Variants in SLC41A2 observed in about 807,000 individuals in gnomAD.
SLC41A2 encodes SLC41A1-like 1.
In SLC41A2, 32 loss-of-function variants were observed where a neutral mutation model predicts 58.3. The ratio of observed to expected loss-of-function variants is 0.55; its 90% CI spans 0.41 to 0.74. SLC41A2 has a LOEUF of 0.74. Among genes scored for constraint, SLC41A2 ranks in the 30% least tolerant of loss-of-function variants. SLC41A2 has a pLI of 0.00. For missense variants in SLC41A2, 514 were observed against 680.6 expected (o/e 0.76, Z 2.72); for synonymous variants, 190 against 235.0 (o/e 0.81, Z 1.75).
chr12:104,863,901 T>C (rs1459058039), intron 7 of SLC41A2, among the ~76,000 whole-genome samples: 1 of 152,158 alleles, frequency 6.6e-6, no homozygotes, highest in South Asian at 2.1e-4. Flanking sequence ...CAACCTCACA[T>C]GTGTAACTAA....
At chr12:104,893,556 CTA>C (rs2045123531) in intron 4 of SLC41A2, among the ~76,000 whole-genome samples, 1 of 152,182 alleles carries the variant, frequency 6.6e-6, no homozygotes, top group Admixed American at 6.5e-5. Flanking sequence ...ATCTGCACTT[CTA>C]TGTTTGTTGC....
intron 6 of SLC41A2, among the ~76,000 whole-genome samples, chr12:104,869,171 TTC>T (rs2043631306): frequency 6.6e-6 from 1 of 152,168 alleles, no homozygotes; most frequent in Admixed American, 6.5e-5. Flanking sequence ...GGCCCAGCGT[TTC>T]TGTTTGAGGT....
At chr12:104,900,962 G>C (rs112015347) in intron 3 of SLC41A2, among the ~76,000 whole-genome samples, 1 of 152,128 alleles carries the variant, frequency 6.6e-6, no homozygotes, top group African/African-American at 2.4e-5. Flanking sequence ...TTTCTGTTTT[G>C]TTCGTTACTG....
chr12:104,809,311 A>C (rs546696324), intron 10 of SLC41A2, among the ~76,000 whole-genome samples: 1 of 152,336 alleles, frequency 6.6e-6, no homozygotes, highest in South Asian at 2.1e-4. Flanking sequence ...CCTGGCAAGT[A>C]GGCCGTGGGT....
intron 6 of SLC41A2, among the ~76,000 whole-genome samples, chr12:104,867,057 G>C (rs1441331008): frequency 6.6e-6 from 1 of 152,040 alleles, no homozygotes; most frequent in Non-Finnish European, 1.5e-5. Context: ...ATATGTATCT[G>C]ACACCAAAGT....
chr12:104,853,450 C>A (rs2042874284), intron 8 of SLC41A2, among the ~76,000 whole-genome samples: 1 of 152,270 alleles, frequency 6.6e-6, no homozygotes, highest in South Asian at 2.1e-4. Flanking sequence ...AGAAATTACT[C>A]TTTGAGTTTC....
rs1014825505 is a variant in SLC41A2 at position 104,928,471 on chromosome 12, A to G, written c.57T>C (p.Ser19=). The G allele has an allele frequency of 1.6e-5, 24 of 1,543,880 alleles. No homozygotes were observed. In the African/African-American group the frequency reaches 2.9e-4, roughly 19 times the overall value. ...AAGTCCAATCTACAAAACCTCCTCC[A>G]CTACTTGGACCACCACTTGTTTTAT... ...ITDKTSGGPS[S]GGGFVDWTLR... The change falls in exon 2 of 11, where the codon AGT becomes AGC. Residue 19 remains serine (S), a synonymous_variant. Coordinates refer to ENST00000258538, the MANE Select transcript of SLC41A2 (RefSeq NM_001352171.3).
At chr12:104,903,604 C>T (rs1414450783) in intron 3 of SLC41A2, among the ~76,000 whole-genome samples, 1 of 152,232 alleles carries the variant, frequency 6.6e-6, no homozygotes, top group African/African-American at 2.4e-5. Context: ...GAAGAGCACA[C>T]TTTGAGAACT....
Position 104,889,098 on chromosome 12 carries a change from A to T in SLC41A2, c.815T>A (p.Leu272His). Residue 272 changes from leucine (L) to histidine (H), a missense_variant, in exon 5 of 11, where the codon CTT (leucine) becomes CAT (histidine). Transcript: ENST00000258538. ...LGWIPEGKYY[L>H]DHSILLCSSS... ...AGAGCACAGAAGTATGGAATGATCAAGGTAATATTTTCCTTCTGGAATCCA... is the reference window on the plus strand; with the variant it reads ...AGAGCACAGAAGTATGGAATGATCATGGTAATATTTTCCTTCTGGAATCCA... 6.2e-7 allele frequency: 1 copy of T among 1,612,090 alleles called. No individual in the cohort carries two copies. Among genetic ancestry groups the T allele is most frequent in the Non-Finnish European group, 8.5e-7 (1 of 1,179,492 alleles).
chr12:104,896,666 A>G (rs575587188), intron 3 of SLC41A2, among the ~76,000 whole-genome samples: 1 of 152,340 alleles, frequency 6.6e-6, no homozygotes, highest in Non-Finnish European at 1.5e-5. Context: ...ACAAATGGAA[A>G]CATACATACA....
intron 8 of SLC41A2, among the ~76,000 whole-genome samples, chr12:104,858,360 G>A (rs1303940206): frequency 6.6e-6 from 1 of 151,816 alleles, no homozygotes; most frequent in Non-Finnish European, 1.5e-5. Flanking sequence ...GTTTTCAATC[G>A]TGACTCACCA....
At chr12:104,844,188 A>G (rs1212041387) in intron 10 of SLC41A2, among the ~76,000 whole-genome samples, 2 of 152,248 alleles carry the variant, frequency 1.3e-5, no homozygotes, top group Non-Finnish European at 2.9e-5. Flanking sequence ...AAATGCAAAG[A>G]GATATGATTA....
chr12:104,835,365 T>G (rs2042173203), intron 10 of SLC41A2, among the ~76,000 whole-genome samples: 1 of 152,240 alleles, frequency 6.6e-6, no homozygotes, highest in African/African-American at 2.4e-5. Context: ...CTTTATCATC[T>G]GTTCTTTAAG....
chr12:104,809,467 G>T (rs1284836523), intron 10 of SLC41A2, among the ~76,000 whole-genome samples: 1 of 152,204 alleles, frequency 6.6e-6, no homozygotes, highest in Non-Finnish European at 1.5e-5. Context: ...TTGGACATCT[G>T]TCAGAGAGAG....
At chr12:104,877,793 G>A (rs2044125666) in intron 6 of SLC41A2, among the ~76,000 whole-genome samples, 1 of 152,136 alleles carries the variant, frequency 6.6e-6, no homozygotes, top group East Asian at 1.9e-4. Context: ...GAGCTCAGGA[G>A]TTTGAGACCA....
chr12:104,867,122 T>TA (rs1217128886), intron 6 of SLC41A2, among the ~76,000 whole-genome samples: 1 of 152,104 alleles, frequency 6.6e-6, no homozygotes, highest in Non-Finnish European at 1.5e-5. Context: ...ATAGGGATCT[T>TA]ATAGTACAGG....
chr12:104,954,509 C>T (rs932200181), intron 1 of SLC41A2, among the ~76,000 whole-genome samples: 9 of 152,136 alleles, frequency 5.9e-5, no homozygotes, highest in South Asian at 2.1e-4. Context: ...AAAACCCCAG[C>T]GGGCAGAGAA....
chr12:104,886,028 A>T (rs1257447979), intron 6 of SLC41A2, among the ~76,000 whole-genome samples: 1 of 152,144 alleles, frequency 6.6e-6, no homozygotes, highest in East Asian at 1.9e-4. Context: ...CTTGGGTAAC[A>T]TACATAACTT....
Position 104,928,485 on chromosome 12 carries a change from C to T in SLC41A2, c.43G>A (p.Gly15Ser). 1 of 1,538,008 alleles carries T rather than the reference C, an allele frequency of 6.5e-7. No homozygotes were observed. The change falls in exon 2 of 11, where the codon GGT (glycine) becomes AGT (serine). Residue 15 changes from glycine to serine, a missense_variant. Physicochemically the swap from Gly to Ser is moderately conservative, Grantham distance 56 (BLOSUM62 0). This residue lies in a region of SLC41A2 where 336 missense variants were observed against 430.0 expected (regional missense o/e 0.78). Transcript: ENST00000258538. ...AAACCTCCTCCACTACTTGGACCAC[C>T]ACTTGTTTTATCGGTAATAGATCTT... The part of the protein sequence containing the change: ...KGRSITDKTS[G>S]GPSSGGGFVD...
Sources: allele counts gnomAD v4.1 joint callset (sites outside exome capture counted in the v4.1 genomes callset), GRCh38; gene constraint gnomAD v4.1.1; regional missense constraint gnomAD v4.1.1; transcripts MANE v1.5; gene names NCBI Gene and HGNC (gene_info 2026-07-23, HGNC 2026-07-21).